PLB1: variants seen among roughly 807,000 people sequenced by gnomAD.
PLB1 encodes the protein phospholipase B1, membrane-associated.
Under a neutral mutation model 227.4 loss-of-function variants are expected in PLB1, and 242 were observed. The observed-to-expected ratio is 1.06, with a 90% CI of 0.96 to 1.18. The LOEUF (loss-of-function observed/expected upper bound fraction) is 1.18. Ranked by LOEUF, PLB1 falls within the 50% of genes most tolerant of loss-of-function variation. The probability of loss-of-function intolerance (pLI) is 0.00; values close to 1 mark genes in which losing one functional copy is unlikely to be tolerated. For synonymous variants in PLB1, 757 were observed against 682.2 expected, an observed-to-expected ratio of 1.11 and a Z score of -1.71; for missense variants, 1,858 against 1,816.3, an observed-to-expected ratio of 1.02 and a Z score of -0.42.
At chr2:28,540,332 C>G in intron 11 of PLB1, 34 bp from the exon 12 acceptor site, 1 of 1,592,570 alleles carries the variant, frequency 6.3e-7, no homozygotes, top group Non-Finnish European at 8.6e-7. Context: ...ACACTGCCTC[C>G]CCTCTCTCAT....
Position 28,532,158 on chromosome 2 carries a change from T to C in PLB1, c.519T>C (p.Asn173=), listed in dbSNP as rs1047980540. 1.2e-6 allele frequency: 2 copies of C among 1,613,426 alleles called. No homozygotes were observed. Among genetic ancestry groups the C allele is most frequent in the Admixed American group, 3.3e-5 (2 of 59,878 alleles). Residue 173 remains asparagine, a synonymous_variant, in exon 9 of 58, where the codon AAT becomes AAC. Transcript: ENST00000327757. Reference sequence around the variant, plus strand: ...AGCTCATCAATGTGTTCTTCAGTAATGCAAGCCAGTGTTACCTGTGCCCCT... The same window carrying C: ...AGCTCATCAATGTGTTCTTCAGTAACGCAAGCCAGTGTTACCTGTGCCCCT... The part of the protein sequence containing the change: ...DWKLINVFFS[N]ASQCYLCPSA...
intron 20 of PLB1, 34 bp downstream of exon 20, chr2:28,566,873 T>A: frequency 1.9e-6 from 3 of 1,613,150 alleles, no homozygotes; most frequent in Non-Finnish European, 2.5e-6. Context: ...ATGTTTGGTT[T>A]GGGGCGGCCC....
At chr2:28,512,964 A>G (rs1486219492) in intron 1 of PLB1, among the ~76,000 whole-genome samples, 1 of 152,176 alleles carries the variant, frequency 6.6e-6, no homozygotes, top group African/African-American at 2.4e-5. Context: ...ATATCTCAGT[A>G]CTTCTTATTT....
chr2:28,563,816 G>T (rs1238051755), intron 18 of PLB1, among the ~76,000 whole-genome samples: 2 of 152,032 alleles, frequency 1.3e-5, no homozygotes, highest in African/African-American at 4.8e-5. Flanking sequence ...TAGAATACAG[G>T]GTCTCCAGCT....
chr2:28,551,281 G>A (rs899382087), intron 16 of PLB1, among the ~76,000 whole-genome samples: 7 of 152,234 alleles, frequency 4.6e-5, no homozygotes, highest in African/African-American at 1.7e-4. Context: ...CTCATGCCTT[G>A]CTCACTGCTT....
intron 49 of PLB1, among the ~76,000 whole-genome samples, chr2:28,623,034 A>G (rs887989174): frequency 1.5e-5 from 2 of 130,296 alleles, no homozygotes; most frequent in Non-Finnish European, 3.3e-5. Flanking sequence ...TATGGCAACA[A>G]TGCAGTGCTT....
intron 16 of PLB1, 22 bp downstream of exon 16, chr2:28,550,106 T>C (rs1359887353): frequency 5.1e-6 from 8 of 1,572,286 alleles, no homozygotes; most frequent in Non-Finnish European, 7.0e-6. Flanking sequence ...TTTTCTGTAA[T>C]TGACAAACAT....
At chr2:28,555,934 T>C (rs1675034008) in intron 17 of PLB1, among the ~76,000 whole-genome samples, 1 of 149,138 alleles carries the variant, frequency 6.7e-6, no homozygotes, top group Non-Finnish European at 1.5e-5. Context: ...AGTGGTGCGA[T>C]CTCACCTCAC....
At position 28,550,100 on chromosome 2, in the gene PLB1, C is replaced by T. The variant is rs1160739217; in HGVS notation, c.1083+16C>T. 2 of 1,586,836 alleles carry T rather than the reference C, an allele frequency of 1.3e-6. No individual in the cohort carries two copies. Among genetic ancestry groups the T allele is most frequent in the Non-Finnish European group, 1.7e-6 (2 of 1,157,802 alleles). On this transcript the variant is annotated intron_variant, in intron 16 of 57. Transcript: ENST00000327757. Reference sequence around the variant, plus strand: ...CAAGCTTGAGGTAAGGAAAGGTTTTCTGTAATTGACAAACATGCAGATGAA... The same window carrying T: ...CAAGCTTGAGGTAAGGAAAGGTTTTTTGTAATTGACAAACATGCAGATGAA...
chr2:28,507,747 G>GTA (rs1359557016), intron 1 of PLB1, among the ~76,000 whole-genome samples: 1 of 152,232 alleles, frequency 6.6e-6, no homozygotes, highest in Non-Finnish European at 1.5e-5. Context: ...GGCACAGGGT[G>GTA]TATGATATTG....
At position 28,629,153 on chromosome 2, in the gene PLB1, C is replaced by T. The variant is rs1163515515; in HGVS notation, c.3786C>T (p.Gly1262=). The change falls in exon 53 of 58, where the codon GGC becomes GGT. Residue 1262 remains glycine (G), a synonymous_variant. Transcript: ENST00000327757. Reference sequence around the variant, plus strand: ...TGGAGCTGGCTAGCCTGTACCAGGGCCAAGGCGGGAAATGTGCCATGCTGG... The same window carrying T: ...TGGAGCTGGCTAGCCTGTACCAGGGTCAAGGCGGGAAATGTGCCATGCTGG... The part of the protein sequence containing the change: ...EVMELASLYQ[G]QGGKCAMLAA... The T allele has an allele frequency of 6.2e-7, 1 of 1,613,816 alleles. No individual in the cohort carries two copies. The highest frequency in any genetic ancestry group is 2.2e-5 in the East Asian group (1 of 44,866).
At position 28,496,060 on chromosome 2, in the gene PLB1, A is replaced by C. The variant is rs1343810548; in HGVS notation, c.-55A>C. On this transcript the variant is annotated 5_prime_UTR_variant, in exon 1 of 58. Coordinates refer to ENST00000327757, the MANE Select transcript of PLB1 (RefSeq NM_153021.5). Reference sequence around the variant, plus strand: ...AAAGCAGGAGGAGGTGTGATAGCCCATCCATCTGCTGGAGCAGCTCTTCCA... The same window carrying C: ...AAAGCAGGAGGAGGTGTGATAGCCCCTCCATCTGCTGGAGCAGCTCTTCCA... 6.5e-7 allele frequency: 1 copy of C among 1,539,762 alleles called. No homozygotes were observed. Among genetic ancestry groups the C allele is most frequent in the Non-Finnish European group, 9.0e-7 (1 of 1,113,236 alleles).
At position 28,600,840 on chromosome 2, in the gene PLB1, C is replaced by A; in HGVS notation, c.2506C>A (p.Gln836Lys). The stretch of plus-strand genomic sequence containing the variant: ...TATGAGCCAAGTCCAAACTCTGATG[C>A]AGAAGATGAAAGATGATCATGTGAG... ...DLMSQVQTLM[Q>K]KMKDDHRVNF... Residue 836 changes from glutamine to lysine, a missense_variant, in exon 36 of 58, where the codon CAG (glutamine) becomes AAG (lysine). Transcript: ENST00000327757. The A allele has an allele frequency of 6.2e-7, 1 of 1,612,602 alleles. No individual in the cohort carries two copies. The highest frequency in any genetic ancestry group is 8.5e-7 in the Non-Finnish European group (1 of 1,178,594).
chr2:28,631,624 G>A (rs1688649527), intron 54 of PLB1, among the ~76,000 whole-genome samples: 1 of 152,208 alleles, frequency 6.6e-6, no homozygotes, highest in South Asian at 2.1e-4. Context: ...CTGGTGTTGA[G>A]ATGCTCCCCA....
rs1344171898 is a variant in PLB1, at chr2:28,636,015, ATGAATGTGTG to A, written c.4098+2979_4098+2988del. 1.8e-4 allele frequency among the ~76,000 whole-genome samples: 24 copies of A among 132,664 alleles called. No individual in the cohort carries two copies. In the South Asian group the frequency reaches 5.9e-3, roughly 33 times the overall value. 87.0% of individuals were successfully genotyped at this position (132,664 alleles called of 152,430 possible). A position where few individuals can be genotyped will look rare whatever the true frequency, so the allele number is the denominator to read the frequency against. ...TGTGTGTATGTATGTGTATGTATGT[ATGAATGTGTG>A]TGTATGTGTGTGTGTGTATGTATGT... On this transcript the variant is annotated intron_variant, in intron 56 of 57. Transcript: ENST00000327757.
intron 5 of PLB1, among the ~76,000 whole-genome samples, 154 bp from the exon 6 acceptor site, chr2:28,525,751 T>C (rs1670160954): frequency 6.6e-6 from 1 of 152,058 alleles, no homozygotes; most frequent in South Asian, 2.1e-4. Flanking sequence ...CCATGGCCAC[T>C]TGAGGTGTGC....
chr2:28,589,504 A>G lies in PLB1; in HGVS notation c.1870A>G (p.Thr624Ala). 6.2e-7 allele frequency: 1 copy of G among 1,614,194 alleles called. No individual in the cohort carries two copies. Among genetic ancestry groups the G allele is most frequent in the Admixed American group, 1.7e-5 (1 of 60,008 alleles). Residue 624 changes from threonine to alanine, a missense_variant, in exon 27 of 58, where the codon ACT becomes GCT. Thr to Ala is a moderately conservative substitution (Grantham distance 58, BLOSUM62 0). Coordinates refer to ENST00000327757, the MANE Select transcript of PLB1 (RefSeq NM_153021.5). ...GCGATATGACACAAGGGAAGATTTT[A>G]CTGTGGTTGTGCAGCCGTTCTTTGA... ...SGRYDTREDF[T>A]VVVQPFFENV...
chr2:28,624,998 T>A, intron 49 of PLB1, 59 bp from the exon 50 acceptor site: 2 of 1,513,556 alleles, frequency 1.3e-6, no homozygotes, highest in Admixed American at 3.4e-5. Flanking sequence ...CAAAATCCCA[T>A]GTCGTGAGTC....
chr2:28,578,195 C>T (rs2148264370), intron 22 of PLB1, 37 bp downstream of exon 22: 1 of 1,600,178 alleles, frequency 6.2e-7, no homozygotes, highest in Non-Finnish European at 8.6e-7. Flanking sequence ...AGGAAAAATC[C>T]CTGGACACAG....
Sources: gnomAD v4.1 joint callset for allele counts (sites outside exome capture counted in the v4.1 genomes callset) on GRCh38, gnomAD v4.1.1 for gene constraint, MANE v1.5 for transcripts, NCBI Gene and HGNC (gene_info 2026-07-23, HGNC 2026-07-21) for gene names.